The following GALNT13 variants were observed in gnomAD, a reference collection of about 807,000 sequenced individuals.
GALNT13 encodes the protein UDP-GalNAc:polypeptide N-acetylgalactosaminyltransferase 13.
Under a neutral mutation model 64.2 loss-of-function variants are expected in GALNT13, and 28 were observed. The observed-to-expected ratio is 0.44, with a 90% CI of 0.32 to 0.60. The LOEUF (loss-of-function observed/expected upper bound fraction) is 0.60, where lower values mean the gene tolerates loss of function less well. GALNT13 is among the 20% of genes least tolerant of loss of function. The pLI is 0.05. For synonymous variants in GALNT13, 214 were observed against 224.6 expected (o/e 0.95, Z 0.42); for missense variants, 577 against 669.8 (o/e 0.86, Z 1.53).
chr2:154,158,799 C>T (rs1478996837), intron 4 of GALNT13, among the ~76,000 whole-genome samples: 1 of 152,152 alleles, frequency 6.6e-6, no homozygotes, highest in Non-Finnish European at 1.5e-5. Context: ...CAGACCTTGG[C>T]AATGACCTTG....
At chr2:154,446,748 C>T in intron 12 of GALNT13, 1 of 1,524,622 alleles carries the variant, frequency 6.6e-7, no homozygotes, top group Non-Finnish European at 8.8e-7. Flanking sequence ...TGATTACATT[C>T]TCTAATGATT....
chr2:153,085,120 C>T, the GALNT13 span, among the ~76,000 whole-genome samples: 1 of 152,120 alleles, frequency 6.6e-6, no homozygotes, highest in East Asian at 1.9e-4. Flanking sequence ...TTTCCCTGCC[C>T]TAGAGTTCTG....
chr2:153,752,691 T>C, the GALNT13 span, among the ~76,000 whole-genome samples: 1 of 152,156 alleles, frequency 6.6e-6, no homozygotes, highest in Non-Finnish European at 1.5e-5. Context: ...CCTTTATCTT[T>C]GGGAGTTTGA....
chr2:153,670,039 A>G, the GALNT13 span, among the ~76,000 whole-genome samples: 1 of 152,320 alleles, frequency 6.6e-6, no homozygotes, highest in Non-Finnish European at 1.5e-5. Flanking sequence ...AGTGGCAGGA[A>G]TACTCAAACT....
intron 3 of GALNT13, among the ~76,000 whole-genome samples, chr2:154,025,738 G>T (rs757276141): frequency 4.6e-4 from 70 of 152,164 alleles, no homozygotes; most frequent in African/African-American, 8.7e-4. Flanking sequence ...GAAGATGTGT[G>T]TCTTGAGGAG....
chr2:153,743,362 G>C, the GALNT13 span, among the ~76,000 whole-genome samples: 25 of 152,088 alleles, frequency 1.6e-4, no homozygotes, highest in African/African-American at 5.8e-4. Context: ...GAACGTGGAA[G>C]TGCAGACATC....
chr2:154,347,389 C>T (rs2105243103), intron 9 of GALNT13, among the ~76,000 whole-genome samples: 1 of 152,194 alleles, frequency 6.6e-6, no homozygotes, highest in Middle Eastern at 3.4e-3. Context: ...AAGCTTTTAA[C>T]ATAAGTTGAG....
At chr2:153,431,723 C>T in the GALNT13 span, among the ~76,000 whole-genome samples, 1 of 152,148 alleles carries the variant, frequency 6.6e-6, no homozygotes, top group Non-Finnish European at 1.5e-5. Flanking sequence ...AGAGGGTTTG[C>T]CTTTTTCAGA....
chr2:153,496,384 C>G, the GALNT13 span, among the ~76,000 whole-genome samples: 1 of 152,122 alleles, frequency 6.6e-6, no homozygotes, highest in African/African-American at 2.4e-5. Flanking sequence ...TTCTAAGTCT[C>G]TTTTTGTTTG....
chr2:153,400,990 G>C, the GALNT13 span, among the ~76,000 whole-genome samples: 65,226 of 148,750 alleles, frequency 0.44, 15,834 homozygotes, highest in African/African-American at 0.66. Flanking sequence ...TTTGCTCTTG[G>C]TTTTCTAGTT....
chr2:153,356,577 A>C, the GALNT13 span: 1 of 152,154 alleles, frequency 6.6e-6, no homozygotes, highest in South Asian at 2.1e-4. Flanking sequence ...CAAATGTACT[A>C]ACATTCTAAA....
At chr2:154,339,493 A>G (rs1157294267) in intron 9 of GALNT13, among the ~76,000 whole-genome samples, 3 of 152,096 alleles carry the variant, frequency 2.0e-5, no homozygotes, top group African/African-American at 4.8e-5. Flanking sequence ...GCCAAATGTG[A>G]TATTTGAAGT....
At chr2:153,195,961 T>A in the GALNT13 span, among the ~76,000 whole-genome samples, 1 of 152,056 alleles carries the variant, frequency 6.6e-6, no homozygotes, top group East Asian at 1.9e-4. Flanking sequence ...CCAATGAGGG[T>A]TCAGCTCTTA....
the GALNT13 span, among the ~76,000 whole-genome samples, chr2:153,443,829 A>G: frequency 1.3e-5 from 2 of 152,136 alleles, no homozygotes; most frequent in African/African-American, 4.8e-5. Context: ...AGGCTGAGAC[A>G]GGAGAATTGC....
the GALNT13 span, among the ~76,000 whole-genome samples, chr2:153,640,355 C>G: frequency 6.6e-6 from 1 of 152,090 alleles, no homozygotes; most frequent in Non-Finnish European, 1.5e-5. Flanking sequence ...GAGTGGTGGT[C>G]CATACTGTTT....
At chr2:154,359,119 T>C (rs530147812) in intron 9 of GALNT13, among the ~76,000 whole-genome samples, 9 of 152,100 alleles carry the variant, frequency 5.9e-5, no homozygotes, top group African/African-American at 1.2e-4. Flanking sequence ...TGTGTATTCC[T>C]GTGTTTTGAC....
At chr2:153,227,035 C>G in the GALNT13 span, among the ~76,000 whole-genome samples, 1 of 152,070 alleles carries the variant, frequency 6.6e-6, no homozygotes, top group Admixed American at 6.6e-5. Context: ...CAATTCAAGC[C>G]AGATTAGCCT....
intron 7 of GALNT13, among the ~76,000 whole-genome samples, chr2:154,254,716 T>C (rs1690275476): frequency 1.3e-5 from 2 of 152,342 alleles, no homozygotes; most frequent in South Asian, 2.1e-4. Flanking sequence ...TTCAGGTCTA[T>C]GATGTACACA....
chr2:153,703,258 C>T, the GALNT13 span, among the ~76,000 whole-genome samples: 4 of 152,116 alleles, frequency 2.6e-5, no homozygotes, highest in South Asian at 8.3e-4. Flanking sequence ...GTTTGTCTCA[C>T]CATTAAAATA....
Sources: gnomAD v4.1 joint callset for allele counts (sites outside exome capture counted in the v4.1 genomes callset) on GRCh38, gnomAD v4.1.1 for gene constraint, MANE v1.5 for transcripts, NCBI Gene and HGNC (gene_info 2026-07-23, HGNC 2026-07-21) for gene names.